The following FHIT variants were observed in gnomAD, a reference collection of about 807,000 sequenced individuals.
FHIT encodes the protein fragile histidine triad diadenosine triphosphatase, also known as bis(5'-adenosyl)-triphosphatase.
FHIT carries 19 observed loss-of-function variants against 17.9 expected under a neutral mutation model. That is an observed-to-expected ratio of 1.06 (90% CI 0.74 to 1.56). The LOEUF (loss-of-function observed/expected upper bound fraction) is 1.56. Ranked by LOEUF, FHIT falls within the 40% of genes most tolerant of loss-of-function variation. The pLI, the probability that FHIT is intolerant of heterozygous loss-of-function variation, is 0.00. For synonymous variants in FHIT, 81 were observed against 69.7 expected, an observed-to-expected ratio of 1.16 and a Z score of -0.81; for missense variants, 248 against 189.2, an observed-to-expected ratio of 1.31 and a Z score of -1.82.
intron 3 of FHIT, among the ~76,000 whole-genome samples, chr3:61,030,815 C>T (rs761450919): frequency 5.3e-5 from 8 of 152,040 alleles, no homozygotes; most frequent in South Asian, 4.2e-4. Flanking sequence ...GTGAGCTGCC[C>T]GGGATGGGGG....
At chr3:60,772,615 C>G (rs1314370184) in intron 4 of FHIT, among the ~76,000 whole-genome samples, 1 of 152,098 alleles carries the variant, frequency 6.6e-6, no homozygotes, top group East Asian at 1.9e-4. Context: ...ACCCTTCCCC[C>G]CAACTCAACT....
chr3:60,033,732 T>G (rs766451381), intron 5 of FHIT, among the ~76,000 whole-genome samples: 6 of 152,232 alleles, frequency 3.9e-5, no homozygotes, highest in Admixed American at 6.5e-5. Flanking sequence ...GGCCATCCTT[T>G]GTATTGTTTT....
intron 2 of FHIT, among the ~76,000 whole-genome samples, chr3:61,075,296 G>A (rs922537584): frequency 1.3e-5 from 2 of 151,996 alleles, no homozygotes; most frequent in Non-Finnish European, 2.9e-5. Context: ...AGAAGAGGGT[G>A]GTGGCAGGGG....
chr3:59,755,809 T>C (rs972316607), intron 8 of FHIT, among the ~76,000 whole-genome samples: 3 of 151,964 alleles, frequency 2.0e-5, no homozygotes, highest in African/African-American at 4.8e-5. Flanking sequence ...CTTTTGAGTA[T>C]CACCTTGGTT....
chr3:60,521,469 G>C (rs537327862), intron 5 of FHIT, among the ~76,000 whole-genome samples: 7 of 152,062 alleles, frequency 4.6e-5, no homozygotes, highest in Non-Finnish European at 7.4e-5. Flanking sequence ...GGATGGTCTC[G>C]ATCTGCTGAC....
chr3:60,615,880 A>G (rs868945503), intron 4 of FHIT, among the ~76,000 whole-genome samples: 4 of 152,224 alleles, frequency 2.6e-5, no homozygotes, highest in Non-Finnish European at 4.4e-5. Flanking sequence ...GTTCGAGTGA[A>G]GTTTACCAAT....
chr3:61,218,579 A>G (rs1189663817), intron 1 of FHIT, among the ~76,000 whole-genome samples: 1 of 152,200 alleles, frequency 6.6e-6, no homozygotes, highest in Non-Finnish European at 1.5e-5. Flanking sequence ...CCGAGTATGT[A>G]TCAAGGTAAT....
chr3:60,487,694 C>A (rs1171249276), intron 5 of FHIT, among the ~76,000 whole-genome samples: 1 of 152,168 alleles, frequency 6.6e-6, no homozygotes, highest in African/African-American at 2.4e-5. Flanking sequence ...ATAAGCCTAT[C>A]AGAAATTCAA....
At chr3:60,062,704 T>C (rs1702342112) in intron 5 of FHIT, among the ~76,000 whole-genome samples, 1 of 152,148 alleles carries the variant, frequency 6.6e-6, no homozygotes, top group Non-Finnish European at 1.5e-5. Context: ...GTTTGAGAAA[T>C]GTTCTTTGTA....
At chr3:60,516,410 A>G (rs879294671) in intron 5 of FHIT, among the ~76,000 whole-genome samples, 1 of 152,174 alleles carries the variant, frequency 6.6e-6, no homozygotes, top group Non-Finnish European at 1.5e-5. Flanking sequence ...AAGCATAGGA[A>G]GAAGTTGGCC....
intron 7 of FHIT, among the ~76,000 whole-genome samples, chr3:59,972,428 T>C (rs960217722): frequency 2.0e-5 from 3 of 152,078 alleles, no homozygotes; most frequent in Non-Finnish European, 2.9e-5. Flanking sequence ...TGGGAAGGTA[T>C]CCTTGGCGCT....
At chr3:60,926,371 G>T (rs1255357261) in intron 3 of FHIT, among the ~76,000 whole-genome samples, 2 of 152,190 alleles carry the variant, frequency 1.3e-5, no homozygotes, top group African/African-American at 4.8e-5. Context: ...AGATCACAGT[G>T]CAATCAAACT....
intron 8 of FHIT, among the ~76,000 whole-genome samples, chr3:59,878,186 G>A (rs372520514): frequency 1.3e-5 from 2 of 152,150 alleles, no homozygotes; most frequent in East Asian, 3.9e-4. Flanking sequence ...CCTCTCTGTG[G>A]TTGCATTTCA....
intron 5 of FHIT, among the ~76,000 whole-genome samples, chr3:60,307,154 G>A (rs1286824966): frequency 6.6e-6 from 1 of 152,110 alleles, no homozygotes; most frequent in Non-Finnish European, 1.5e-5. Context: ...CTGCAATAAG[G>A]CTCTCATCTC....
intron 5 of FHIT, among the ~76,000 whole-genome samples, chr3:60,495,581 G>C (rs1463640807): frequency 1.3e-5 from 2 of 151,668 alleles, no homozygotes; most frequent in African/African-American, 4.8e-5. Context: ...TTAAAAAAAA[G>C]ACCTAACAGG....
At chr3:60,344,745 T>G (rs919945004) in intron 5 of FHIT, among the ~76,000 whole-genome samples, 1 of 152,124 alleles carries the variant, frequency 6.6e-6, no homozygotes, top group Non-Finnish European at 1.5e-5. Context: ...TTTTTTCTAA[T>G]TGAAAAATAA....
intron 3 of FHIT, among the ~76,000 whole-genome samples, chr3:60,934,497 C>G (rs1218730457): frequency 6.6e-6 from 1 of 152,178 alleles, no homozygotes; most frequent in Non-Finnish European, 1.5e-5. Context: ...CCAGAGTGAG[C>G]TACAGCAGTG....
chr3:61,166,566 G>C (rs1240023380), intron 2 of FHIT, among the ~76,000 whole-genome samples: 1 of 152,066 alleles, frequency 6.6e-6, no homozygotes, highest in Non-Finnish European at 1.5e-5. Flanking sequence ...AGCAATAATT[G>C]GTCCCTTCTG....
chr3:60,716,834 G>A (rs1313127059), intron 4 of FHIT, among the ~76,000 whole-genome samples: 7 of 152,152 alleles, frequency 4.6e-5, no homozygotes, highest in African/African-American at 1.7e-4. Context: ...ACACTACAAT[G>A]TCACTAGGCA....
Sources: gnomAD v4.1 joint callset for allele counts (sites outside exome capture counted in the v4.1 genomes callset) on GRCh38, gnomAD v4.1.1 for gene constraint, MANE v1.5 for transcripts, NCBI Gene and HGNC (gene_info 2026-07-23, HGNC 2026-07-21) for gene names.